SLC6A4: variants seen among roughly 807,000 people sequenced by gnomAD.
The protein encoded by SLC6A4 is solute carrier family 6 member 4.
A neutral mutation model predicts 73.4 loss-of-function variants in SLC6A4; 22 were observed. The ratio of observed to expected loss-of-function variants is 0.30; its 90% CI spans 0.21 to 0.43. The LOEUF (loss-of-function observed/expected upper bound fraction) is 0.43. Ranked by LOEUF, SLC6A4 falls within the 20% of genes least tolerant of loss-of-function variation. SLC6A4 has a pLI of 1.00. For missense variants in SLC6A4, 593 were observed against 808.5 expected (o/e 0.73, Z 3.23); for synonymous variants, 270 against 315.5 (o/e 0.86, Z 1.53).
At chr17:30,205,475 C>T (rs994372125) in intron 13 of SLC6A4, among the ~76,000 whole-genome samples, 3 of 152,164 alleles carry the variant, frequency 2.0e-5, no homozygotes, top group African/African-American at 7.2e-5. Flanking sequence ...CCATTTATGT[C>T]AGGGCTTCTG....
chr17:30,219,382 C>T (rs1454725704), intron 3 of SLC6A4, among the ~76,000 whole-genome samples: 1 of 152,176 alleles, frequency 6.6e-6, no homozygotes, highest in African/African-American at 2.4e-5. Context: ...CAAGCATGGG[C>T]ACAACACAAA....
Position 30,211,380 on chromosome 17 carries a change from T to C in SLC6A4, c.1249A>G (p.Met417Val). ...FITYAEAIAN[M>V]PASTFFAIIF... ...ATGGCAAAGAAAGTGGACGCTGGCA[T>C]GTTGGCTATCGCTTCTGCATACGTG... The change falls in exon 10 of 15, where the codon ATG (methionine) becomes GTG (valine). Residue 417 changes from methionine to valine, a missense_variant. Physicochemically the swap from Met to Val is conservative, Grantham distance 21. Transcript: ENST00000650711. The surrounding 1 kb of genome is among the most constrained non-coding windows in gnomAD (Gnocchi z 4.0). 6.2e-7 allele frequency: 1 copy of C among 1,613,854 alleles called. No homozygotes were observed. Among genetic ancestry groups the C allele is most frequent in the Non-Finnish European group, 8.5e-7 (1 of 1,179,834 alleles).
At chr17:30,202,109 G>A (rs1278499086) in intron 14 of SLC6A4, among the ~76,000 whole-genome samples, 3 of 152,064 alleles carry the variant, frequency 2.0e-5, no homozygotes, top group Admixed American at 1.3e-4. Flanking sequence ...AGAAAGAGCT[G>A]ATGTTTAACT....
intron 1 of SLC6A4, among the ~76,000 whole-genome samples, chr17:30,227,494 G>GT (rs1906965046): frequency 6.6e-6 from 1 of 151,636 alleles, no homozygotes; most frequent in African/African-American, 2.4e-5. Context: ...TGTGTGTGTT[G>GT]TTTTTTTAAG....
chr17:30,202,656 T>C (rs570971661), intron 14 of SLC6A4, among the ~76,000 whole-genome samples: 27 of 152,322 alleles, frequency 1.8e-4, no homozygotes, highest in African/African-American at 5.3e-4. Context: ...TTTACTCCAA[T>C]GGCTTGAGCT....
intron 12 of SLC6A4, 122 bp from the exon 13 acceptor site, chr17:30,207,954 T>C: frequency 2.9e-6 from 2 of 692,344 alleles, no homozygotes; most frequent in East Asian, 2.8e-5. Context: ...CAAGGGGAAA[T>C]GACAAGCCGG....
chr17:30,218,334 A>G lies in SLC6A4; in HGVS notation c.482T>C (p.Ile161Thr), dbSNP rs201833332. 1 of 1,612,836 alleles carries G rather than the reference A, an allele frequency of 6.2e-7. No homozygotes were observed. Among genetic ancestry groups the G allele is most frequent in the Non-Finnish European group, 8.5e-7 (1 of 1,179,170 alleles). Reference sequence around the variant, plus strand: ...GGCAATGATGCAGATGGCATAACCAATCCCTGGGCAGTGGGTGAGATGGAG... The same window carrying G: ...GGCAATGATGCAGATGGCATAACCAGTCCCTGGGCAGTGGGTGAGATGGAG... ...WRKICPIFKG[I>T]GYAICIIAFY... Residue 161 changes from isoleucine (I) to threonine (T), a missense_variant, in exon 5 of 15, where the codon ATT (isoleucine) becomes ACT (threonine). Coordinates refer to ENST00000650711, the MANE Select transcript of SLC6A4 (RefSeq NM_001045.6).
At chr17:30,230,098 G>GAAGAAGAAGAAGAAGAAGAAGAGGAA (rs1555591454) in intron 1 of SLC6A4, among the ~76,000 whole-genome samples, 2 of 89,626 alleles carry the variant, frequency 2.2e-5, no homozygotes, top group Non-Finnish European at 4.5e-5. Context: ...AAGAAGAAGA[G>GAAGAAGAAGAAGAAGAAGAAGAGGAA]GAGGAAGAGG....
rs6353 is a variant in SLC6A4 at position 30,211,312 on chromosome 17, C to G, written c.1317G>C (p.Thr439=). 1.1e-5 allele frequency: 17 copies of G among 1,586,296 alleles called. No individual in the cohort carries two copies. Among genetic ancestry groups the G allele is most frequent in the East Asian group, 6.7e-5 (3 of 44,730 alleles). ...CCATTTCCCCTTCCCATTTCCTCAC[C>G]GTGCTGTCCAAGCCCAGCGTGATTA... ...LMLITLGLDS[T]FAGLEGVITA... The change falls in exon 10 of 15, where the codon ACG becomes ACC. Residue 439 remains threonine (T), a splice_region_variant and synonymous_variant. Coordinates refer to ENST00000650711, the MANE Select transcript of SLC6A4 (RefSeq NM_001045.6). The surrounding 1 kb of genome is among the most constrained non-coding windows in gnomAD (Gnocchi z 4.0).
intron 1 of SLC6A4, 108 bp from the exon 2 acceptor site, chr17:30,223,023 C>G: frequency 2.5e-6 from 1 of 395,012 alleles, no homozygotes; most frequent in Non-Finnish European, 5.1e-6. Context: ...TTCATTTCAC[C>G]GCCGTGGCCT....
intron 9 of SLC6A4, among the ~76,000 whole-genome samples, 177 bp downstream of exon 9, chr17:30,212,563 T>G (rs1248189461): frequency 5.9e-5 from 9 of 152,096 alleles, no homozygotes. Flanking sequence ...ATTTATTTTT[T>G]TATAGAGGCA....
chr17:30,230,243 T>C (rs960222644), intron 1 of SLC6A4, among the ~76,000 whole-genome samples: 1 of 152,128 alleles, frequency 6.6e-6, no homozygotes, highest in Non-Finnish European at 1.5e-5. Flanking sequence ...ACAAAACTGC[T>C]TTTACTCTGT....
chr17:30,219,424 T>C (rs946856628), intron 3 of SLC6A4, among the ~76,000 whole-genome samples: 3 of 152,200 alleles, frequency 2.0e-5, no homozygotes, highest in Non-Finnish European at 4.4e-5. Context: ...GTGATTCCGA[T>C]GCAGCCAGTA....
intron 8 of SLC6A4, among the ~76,000 whole-genome samples, chr17:30,214,996 C>CT (rs1448249487): frequency 4.2e-5 from 1 of 23,780 alleles, no homozygotes; most frequent in African/African-American, 1.1e-4. Flanking sequence ...TCTTTCCTTC[C>CT]TTCCTTTCTT....
chr17:30,213,883 A>C (rs571394238), intron 8 of SLC6A4, among the ~76,000 whole-genome samples: 1 of 151,898 alleles, frequency 6.6e-6, no homozygotes, highest in Admixed American at 6.6e-5. Flanking sequence ...AAGAGCTGGG[A>C]CCATAGGCAT....
In SLC6A4 at chr17:30,194,915, C is replaced by T. The variant is rs1163770540; in HGVS notation, c.*3541G>A. The stretch of plus-strand genomic sequence containing the variant: ...CATTCAAACTTATTCTGACGAGGTC[C>T]TTCACCAATGCACACTGTCTCCAAA... On this transcript the variant is annotated 3_prime_UTR_variant, in exon 15 of 15. Coordinates refer to ENST00000650711, the MANE Select transcript of SLC6A4 (RefSeq NM_001045.6). The T allele has an allele frequency of 6.6e-6, 1 of 152,182 alleles. No individual in the cohort carries two copies. Among genetic ancestry groups the T allele is most frequent in the Non-Finnish European group, 1.5e-5 (1 of 68,036 alleles). 9.4% of individuals were successfully genotyped at this position (152,182 alleles called of 1,614,324 possible).
chr17:30,210,770 C>T (rs1906361560), intron 10 of SLC6A4, 124 bp from the exon 11 acceptor site: 1 of 1,024,988 alleles, frequency 9.8e-7, no homozygotes, highest in African/African-American at 1.6e-5. Context: ...TCACCAGTTC[C>T]CCGGCTCGCT....
At chr17:30,213,996 C>G (rs1417499109) in intron 8 of SLC6A4, among the ~76,000 whole-genome samples, 3 of 152,172 alleles carry the variant, frequency 2.0e-5, no homozygotes, top group African/African-American at 7.2e-5. Flanking sequence ...ATCCTCCTGC[C>G]TCAGCCTCCC....
At chr17:30,230,329 A>G (rs929189978) in intron 1 of SLC6A4, among the ~76,000 whole-genome samples, 2 of 152,358 alleles carry the variant, frequency 1.3e-5, no homozygotes, top group East Asian at 3.9e-4. Flanking sequence ...GTGTTAGATT[A>G]ATCAGGATTA....
Sources: gnomAD v4.1 joint callset for allele counts (sites outside exome capture counted in the v4.1 genomes callset) on GRCh38, gnomAD v4.1.1 for gene constraint, Gnocchi (gnomAD v3.1) non-coding constraint, MANE v1.5 for transcripts, NCBI Gene and HGNC (gene_info 2026-07-23, HGNC 2026-07-21) for gene names.